LRRC1: variants seen among roughly 807,000 people sequenced by gnomAD.
The protein encoded by LRRC1 is leucine-rich repeat-containing protein 1.
LRRC1 carries 28 observed loss-of-function variants against 69.9 expected under a neutral mutation model. The observed-to-expected ratio is 0.40, with a 90% confidence interval of 0.30 to 0.55. The LOEUF (loss-of-function observed/expected upper bound fraction) is 0.55, where lower values mean the gene tolerates loss of function less well. Ranked by LOEUF, LRRC1 falls within the 20% of genes least tolerant of loss-of-function variation. The pLI is 0.47. For synonymous variants in LRRC1, 236 were observed against 240.2 expected (o/e 0.98, Z 0.16); for missense variants, 498 against 609.0 (o/e 0.82, Z 1.92).
chr6:53,807,747 TCAACAACAACAACAACAA>T (rs60487267), intron 1 of LRRC1, among the ~76,000 whole-genome samples: 1 of 150,442 alleles, frequency 6.6e-6, no homozygotes, highest in African/African-American at 2.4e-5. Flanking sequence ...CTCCGTGTCG[TCAACAACAACAACAACAA>T]CAACAACAAC....
chr6:53,905,223 A>C (rs1016566174), intron 10 of LRRC1: 1 of 151,630 alleles, frequency 6.6e-6, no homozygotes, highest in Non-Finnish European at 1.5e-5. Context: ...AGTCCCAGCT[A>C]CTCGGGAGGC....
In LRRC1 at chr6:53,822,073, T is replaced by G. The variant is rs184558397; in HGVS notation, c.160-20037T>G. Among the ~76,000 whole-genome samples, 300 of 152,278 alleles carry G rather than the reference T, an allele frequency of 2.0e-3. 1 individual carries two copies. Among genetic ancestry groups the G allele is most frequent in the African/African-American group, 6.8e-3 (284 of 41,550 alleles). On this transcript the variant is annotated intron_variant, in intron 1 of 13. Transcript: ENST00000370888. ...CATGTGCTGAGAGACAGTTTCTCTT[T>G]GTTGTTACCCTAGCTGTGTATTTCT... is the stretch of plus-strand genomic sequence containing the variant.
chr6:53,882,111 G>A (rs943941385), intron 3 of LRRC1, among the ~76,000 whole-genome samples: 58 of 152,214 alleles, frequency 3.8e-4, no homozygotes, highest in African/African-American at 1.4e-3. Context: ...CAGTTTGGGA[G>A]GCCAAGGCGG....
chr6:53,852,344 G>T (rs968953338), intron 2 of LRRC1, among the ~76,000 whole-genome samples: 4 of 152,156 alleles, frequency 2.6e-5, no homozygotes, highest in African/African-American at 9.7e-5. Flanking sequence ...GCTGCGAGAG[G>T]ACTGTCCAAG....
intron 9 of LRRC1, 111 bp downstream of exon 9, chr6:53,902,858 C>CCCAAAACGGGATA (rs1562067789): frequency 6.0e-6 from 4 of 667,168 alleles, no homozygotes; most frequent in Admixed American, 5.1e-5. Context: ...CCAAAACGGT[C>CCCAAAACGGGATA]TTACAAAGCA....
intron 9 of LRRC1, 75 bp from the exon 10 acceptor site, chr6:53,904,304 T>G: frequency 1.1e-6 from 1 of 871,222 alleles, no homozygotes; most frequent in South Asian, 1.5e-5. Context: ...CTTTAGGTCC[T>G]TGCAAAGATC....
At chr6:53,921,292 T>C (rs979731294) in intron 13 of LRRC1, among the ~76,000 whole-genome samples, 6 of 152,156 alleles carry the variant, frequency 3.9e-5, no homozygotes, top group African/African-American at 1.4e-4. Flanking sequence ...TGTCCTGCTT[T>C]TATGGTGCTT....
At chr6:53,837,221 T>TA (rs1765638339) in intron 1 of LRRC1, among the ~76,000 whole-genome samples, 11 of 152,216 alleles carry the variant, frequency 7.2e-5, no homozygotes, top group African/African-American at 2.4e-4. Context: ...TGAGAGTTTT[T>TA]TTTTTAAAGA....
chr6:53,837,490 G>A (rs1425757065), intron 1 of LRRC1, among the ~76,000 whole-genome samples: 1 of 152,158 alleles, frequency 6.6e-6, no homozygotes, highest in Non-Finnish European at 1.5e-5. Context: ...AGGTTAGAAT[G>A]TCTCTGGGAA....
intron 1 of LRRC1, among the ~76,000 whole-genome samples, chr6:53,826,340 C>A (rs948242827): frequency 1.3e-5 from 2 of 152,056 alleles, no homozygotes; most frequent in Admixed American, 6.5e-5. Context: ...AATAGAGGAA[C>A]CTCCCCAGTC....
At chr6:53,798,271 C>T (rs1428919330) in intron 1 of LRRC1, among the ~76,000 whole-genome samples, 1 of 152,248 alleles carries the variant, frequency 6.6e-6, no homozygotes, top group African/African-American at 2.4e-5. Context: ...CCACCTACTT[C>T]TCCCCCATAC....
At chr6:53,837,792 G>A (rs144442068) in intron 1 of LRRC1, among the ~76,000 whole-genome samples, 140 of 152,278 alleles carry the variant, frequency 9.2e-4, no homozygotes, top group African/African-American at 3.3e-3. Flanking sequence ...AAAGAATCTT[G>A]TCAGAAATGG....
chr6:53,880,992 C>T (rs1767272738), intron 3 of LRRC1, among the ~76,000 whole-genome samples: 2 of 152,120 alleles, frequency 1.3e-5, no homozygotes, highest in South Asian at 4.1e-4. Context: ...TTTCTAATGT[C>T]TGCTGACATT....
At chr6:53,889,978 A>C (rs1450203862) in intron 4 of LRRC1, among the ~76,000 whole-genome samples, 1 of 152,182 alleles carries the variant, frequency 6.6e-6, no homozygotes, top group Non-Finnish European at 1.5e-5. Context: ...AGGCAGGTAC[A>C]CATAGCCAGA....
chr6:53,909,054 C>T (rs906034548), intron 10 of LRRC1, among the ~76,000 whole-genome samples: 14 of 152,158 alleles, frequency 9.2e-5, no homozygotes, highest in African/African-American at 2.9e-4. Flanking sequence ...TGCAATTCCA[C>T]GTCTAGGAAA....
chr6:53,900,020 GTTTTTTTTTTTTTT>G (rs869246243), intron 8 of LRRC1, 129 bp downstream of exon 8: 1,252 of 190,200 alleles, frequency 6.6e-3, no homozygotes, highest in African/African-American at 0.018. Context: ...TCTCCTTACT[GTTTTTTTTTTTTTT>G]TTTTTTTTTT....
At chr6:53,824,158 A>AT (rs1374668504) in intron 1 of LRRC1, among the ~76,000 whole-genome samples, 5 of 150,024 alleles carry the variant, frequency 3.3e-5, no homozygotes, top group Admixed American at 3.3e-4. Flanking sequence ...AGCAGATGTT[A>AT]TTTTTTGACT....
chr6:53,901,318 C>G (rs920510249), intron 8 of LRRC1, among the ~76,000 whole-genome samples: 8 of 152,068 alleles, frequency 5.3e-5, no homozygotes, highest in Non-Finnish European at 1.0e-4. Context: ...AATCCTAGCA[C>G]CTTGGGAGGC....
intron 4 of LRRC1, among the ~76,000 whole-genome samples, chr6:53,888,837 CAAA>C (rs1767579610): frequency 6.6e-6 from 1 of 151,576 alleles, no homozygotes; most frequent in Non-Finnish European, 1.5e-5. Context: ...GTCTGTGTAA[CAAA>C]AGAAAAAATG....
Sources: allele counts gnomAD v4.1 joint callset (sites outside exome capture counted in the v4.1 genomes callset), GRCh38; gene constraint gnomAD v4.1.1; transcripts MANE v1.5; gene names NCBI Gene and HGNC (gene_info 2026-07-23, HGNC 2026-07-21).